The following CTNNA3 variants were observed in gnomAD, a reference collection of about 807,000 sequenced individuals.
The protein encoded by CTNNA3 is catenin alpha-3.
Under a neutral mutation model 95.7 loss-of-function variants are expected in CTNNA3, and 76 were observed. The observed-to-expected ratio is 0.79, with a 90% confidence interval of 0.66 to 0.96. The LOEUF (loss-of-function observed/expected upper bound fraction) is 0.96, where lower values mean the gene tolerates loss of function less well. Among genes scored for constraint, CTNNA3 ranks in the 40% least tolerant of loss-of-function variants. The pLI is 0.00. For synonymous variants in CTNNA3, 431 were observed against 374.4 expected, an observed-to-expected ratio of 1.15 and a Z score of -1.74; for missense variants, 1,191 against 1,089.8, an observed-to-expected ratio of 1.09 and a Z score of -1.31.
At chr10:67,131,875 T>C (rs901553972) in intron 7 of CTNNA3, among the ~76,000 whole-genome samples, 3 of 152,088 alleles carry the variant, frequency 2.0e-5, no homozygotes, top group Non-Finnish European at 2.9e-5. Context: ...ACAGTGGGCC[T>C]AATACTATGA....
At chr10:66,739,087 TAC>T in intron 9 of CTNNA3, among the ~76,000 whole-genome samples, 1 of 152,260 alleles carries the variant, frequency 6.6e-6, no homozygotes, top group South Asian at 2.1e-4. Context: ...TCTAGATATA[TAC>T]AGAGATTATA....
chr10:66,977,116 T>C (rs957760097), intron 7 of CTNNA3, among the ~76,000 whole-genome samples: 11 of 152,106 alleles, frequency 7.2e-5, no homozygotes, highest in African/African-American at 2.7e-4. Context: ...AATGGCAAGA[T>C]TTGTTTAAAG....
chr10:67,403,995 A>C, intron 5 of CTNNA3, among the ~76,000 whole-genome samples: 1 of 152,224 alleles, frequency 6.6e-6, no homozygotes, highest in African/African-American at 2.4e-5. Context: ...CAGACTGTTC[A>C]AAGAAAAAAC....
At chr10:67,003,580 T>A (rs1209334892) in intron 7 of CTNNA3, among the ~76,000 whole-genome samples, 1 of 152,234 alleles carries the variant, frequency 6.6e-6, no homozygotes, top group African/African-American at 2.4e-5. Flanking sequence ...AGAAATATTT[T>A]ATCTACATTT....
At chr10:66,759,474 G>A (rs1012921370) in intron 9 of CTNNA3, among the ~76,000 whole-genome samples, 1 of 152,164 alleles carries the variant, frequency 6.6e-6, no homozygotes, top group Non-Finnish European at 1.5e-5. Context: ...GTTAATAGAT[G>A]TTCGTTTATT....
In CTNNA3 at chr10:65,912,612, G is replaced by C. The variant is rs1002131072; in HGVS notation, c.*7718C>G. ...CTTAATGAGCTACAGAGTGACATGA[G>C]TTGAAATTAGAATAAAGTAAAATAA... On this transcript the variant is annotated 3_prime_UTR_variant, in exon 18 of 18. Transcript: ENST00000433211. 1 of 152,040 alleles carries C rather than the reference G, an allele frequency of 6.6e-6. No individual in the cohort carries two copies. Among genetic ancestry groups the C allele is most frequent in the African/African-American group, 2.4e-5 (1 of 41,406 alleles). 9.4% of individuals were successfully genotyped at this position (152,040 alleles called of 1,614,324 possible).
At chr10:66,357,367 C>A (rs2092619086) in intron 12 of CTNNA3, among the ~76,000 whole-genome samples, 1 of 151,884 alleles carries the variant, frequency 6.6e-6, no homozygotes, top group African/African-American at 2.4e-5. Context: ...ATGCGAGTCA[C>A]CCTTTAAAGT....
intron 7 of CTNNA3, among the ~76,000 whole-genome samples, chr10:67,039,307 C>A (rs1364650875): frequency 1.3e-5 from 2 of 152,018 alleles, no homozygotes; most frequent in Non-Finnish European, 2.9e-5. Context: ...AATTATATTT[C>A]CAGTTAACAT....
At chr10:66,631,961 G>C (rs866360614) in intron 9 of CTNNA3, among the ~76,000 whole-genome samples, 36 of 151,340 alleles carry the variant, frequency 2.4e-4, no homozygotes, top group South Asian at 1.0e-3. Context: ...GACAAAATTT[G>C]TTATTATAGC....
At chr10:66,722,077 C>G (rs181585492) in intron 9 of CTNNA3, among the ~76,000 whole-genome samples, 25 of 152,178 alleles carry the variant, frequency 1.6e-4, no homozygotes, top group Admixed American at 1.4e-3. Context: ...GCTGTCTTTT[C>G]TTTCAATTAA....
intron 7 of CTNNA3, among the ~76,000 whole-genome samples, chr10:66,872,858 T>C (rs1167613798): frequency 6.6e-6 from 1 of 152,068 alleles, no homozygotes; most frequent in Non-Finnish European, 1.5e-5. Flanking sequence ...CCCTTCCCTG[T>C]CTAGCAGTCC....
chr10:66,249,431 A>T (rs1036300040), intron 13 of CTNNA3, among the ~76,000 whole-genome samples: 5 of 152,200 alleles, frequency 3.3e-5, no homozygotes, highest in Non-Finnish European at 7.3e-5. Flanking sequence ...TATAGGAAAA[A>T]ATCTAATCAT....
chr10:67,343,066 C>A (rs879925814), intron 5 of CTNNA3, among the ~76,000 whole-genome samples: 3 of 152,142 alleles, frequency 2.0e-5, no homozygotes, highest in Non-Finnish European at 2.9e-5. Context: ...AATTCTTGTG[C>A]CTCAGGCTTC....
intron 1 of CTNNA3, among the ~76,000 whole-genome samples, chr10:67,754,364 CCT>C (rs1289277731): frequency 6.6e-6 from 1 of 152,014 alleles, no homozygotes; most frequent in African/African-American, 2.4e-5. Context: ...GGGCTTAATA[CCT>C]AGGTGATGGG....
chr10:66,621,838 GCAACA>G (rs1417459689), intron 9 of CTNNA3, 54 bp from the exon 10 acceptor site: 17 of 1,087,848 alleles, frequency 1.6e-5, no homozygotes, highest in Non-Finnish European at 2.4e-5. Context: ...AGGAAATGCA[GCAACA>G]CTTATACTGA....
chr10:66,655,207 T>G (rs1281253888), intron 9 of CTNNA3, among the ~76,000 whole-genome samples: 2 of 152,058 alleles, frequency 1.3e-5, no homozygotes, highest in African/African-American at 4.8e-5. Context: ...TAAACACAAT[T>G]TTATTTGTCA....
At chr10:66,427,739 G>A (rs2093254965) in intron 11 of CTNNA3, among the ~76,000 whole-genome samples, 1 of 152,050 alleles carries the variant, frequency 6.6e-6, no homozygotes, top group African/African-American at 2.4e-5. Flanking sequence ...CCCGACAAGG[G>A]CTCTGGAAGG....
chr10:67,057,099 C>A (rs1251568750), intron 7 of CTNNA3, among the ~76,000 whole-genome samples: 3 of 152,146 alleles, frequency 2.0e-5, no homozygotes, highest in African/African-American at 7.2e-5. Flanking sequence ...GTTAGCTGAT[C>A]TAAAACATTG....
At chr10:66,011,821 A>C (rs1263147566) in intron 15 of CTNNA3, among the ~76,000 whole-genome samples, 1 of 152,178 alleles carries the variant, frequency 6.6e-6, no homozygotes, top group Non-Finnish European at 1.5e-5. Flanking sequence ...ACTTTAGAAA[A>C]AGTGATATCA....
Sources: allele counts gnomAD v4.1 joint callset (sites outside exome capture counted in the v4.1 genomes callset), GRCh38; gene constraint gnomAD v4.1.1; transcripts MANE v1.5; gene names NCBI Gene and HGNC (gene_info 2026-07-23, HGNC 2026-07-21).